Variants in ANKS1A observed in about 807,000 individuals in gnomAD.
The protein encoded by ANKS1A is ankyrin repeat and sterile alpha motif domain containing 1A.
ANKS1A carries 55 observed loss-of-function variants against 120.3 expected under a neutral mutation model. The observed-to-expected ratio is 0.46, with a 90% CI of 0.37 to 0.57. The LOEUF (loss-of-function observed/expected upper bound fraction) is 0.57. Among genes scored for constraint, ANKS1A ranks in the 20% least tolerant of loss-of-function variants. ANKS1A has a pLI of 0.00. For missense variants in ANKS1A, 1,123 were observed against 1,480.3 expected, an observed-to-expected ratio of 0.76 and a Z score of 3.96; for synonymous variants, 590 against 604.7, an observed-to-expected ratio of 0.98 and a Z score of 0.36.
chr6:35,031,437 A>G (rs1774904164), intron 11 of ANKS1A, among the ~76,000 whole-genome samples: 1 of 152,346 alleles, frequency 6.6e-6, no homozygotes, highest in African/African-American at 2.4e-5. Flanking sequence ...TCAATAGGAC[A>G]GATAAGGCCT....
In ANKS1A at chr6:34,916,373, A is replaced by ATATTG. The variant is rs776820791; in HGVS notation, c.197+26774_197+26775insTATTG. 3.9e-3 allele frequency among the ~76,000 whole-genome samples: 595 copies of ATATTG among 152,314 alleles called. 1 individual carries two copies. Among genetic ancestry groups the ATATTG allele is most frequent in the South Asian group, 0.018 (88 of 4,824 alleles). ...TGGAGGATGAGACCAAGTCTCAACC[A>ATATTG]CAGTATACTTTTCAACAAATATTGC... On this transcript the variant is annotated intron_variant, in intron 1 of 23. Transcript: ENST00000360359.
Position 35,084,847 on chromosome 6 carries a change from C to T in ANKS1A, c.3132+589C>T, listed in dbSNP as rs765484089. Among the ~76,000 whole-genome samples, 37 of 152,318 alleles carry T rather than the reference C, an allele frequency of 2.4e-4. No homozygotes were observed. Among genetic ancestry groups the T allele is most frequent in the African/African-American group, 8.2e-4 (34 of 41,584 alleles). ...GGGCCGAGGAGAGTTCATTCTCACACAGCTGCCCACAGGGAGCAGACCAGA... is the reference window on the plus strand; with the variant it reads ...GGGCCGAGGAGAGTTCATTCTCACATAGCTGCCCACAGGGAGCAGACCAGA... On this transcript the variant is annotated intron_variant, in intron 21 of 23. Transcript: ENST00000360359. The surrounding 1 kb of genome is among the most constrained non-coding windows in gnomAD (Gnocchi z 4.8).
chr6:34,910,151 C>G (rs1767837172), intron 1 of ANKS1A, among the ~76,000 whole-genome samples: 1 of 152,114 alleles, frequency 6.6e-6, no homozygotes, highest in Non-Finnish European at 1.5e-5. Flanking sequence ...TGAAGGAAGG[C>G]AGTACCAGTG....
At chr6:35,079,785 A>C in intron 15 of ANKS1A, 36 bp from the exon 16 acceptor site, 1 of 1,599,576 alleles carries the variant, frequency 6.3e-7, no homozygotes, top group Non-Finnish European at 8.5e-7. Context: ...TGAGTTGGCC[A>C]CCTGACCTGT....
intron 13 of ANKS1A, among the ~76,000 whole-genome samples, chr6:35,065,475 C>T (rs139531233): frequency 6.6e-6 from 1 of 152,354 alleles, no homozygotes; most frequent in Non-Finnish European, 1.5e-5. Context: ...GCAGCAGAGG[C>T]GTCTTTCCTG....
intron 11 of ANKS1A, among the ~76,000 whole-genome samples, chr6:35,028,568 TC>T (rs1774743915): frequency 6.6e-6 from 1 of 152,204 alleles, no homozygotes; most frequent in Admixed American, 6.5e-5. Context: ...AAATAAGTCT[TC>T]CAGATTTTCA....
chr6:34,895,804 T>TTTTTTA, intron 1 of ANKS1A, among the ~76,000 whole-genome samples: 1 of 139,566 alleles, frequency 7.2e-6, no homozygotes. Flanking sequence ...TTTTTTTTTT[T>TTTTTTA]TCTGAGACAG....
At chr6:34,915,793 A>G (rs561121027) in intron 1 of ANKS1A, among the ~76,000 whole-genome samples, 27 of 152,118 alleles carry the variant, frequency 1.8e-4, no homozygotes, top group Non-Finnish European at 3.2e-4. Context: ...GAGGTGGACC[A>G]TCATGTTTTT....
intron 13 of ANKS1A, among the ~76,000 whole-genome samples, chr6:35,077,877 T>G (rs74611288): frequency 6.2e-4 from 95 of 152,314 alleles, no homozygotes; most frequent in African/African-American, 2.2e-3. Context: ...CCCTGTCATA[T>G]AGTAAGAAAG....
At chr6:35,070,995 G>A in intron 13 of ANKS1A, 1 of 541,090 alleles carries the variant, frequency 1.8e-6, no homozygotes, top group East Asian at 4.6e-5. Flanking sequence ...ATTTTACAGA[G>A]GCCTGCCCAT....
At chr6:34,921,233 ACTTT>A (rs371552211) in intron 1 of ANKS1A, among the ~76,000 whole-genome samples, 92 of 152,354 alleles carry the variant, frequency 6.0e-4, no homozygotes, top group African/African-American at 1.8e-3. Flanking sequence ...CTATGTCAAG[ACTTT>A]CTTTATCAAA....
At chr6:34,923,146 G>T (rs887546765) in intron 1 of ANKS1A, among the ~76,000 whole-genome samples, 1 of 152,226 alleles carries the variant, frequency 6.6e-6, no homozygotes, top group Non-Finnish European at 1.5e-5. Context: ...AGATCAAGGA[G>T]AACCAAAACA....
chr6:34,961,328 C>T (rs1188183898), intron 1 of ANKS1A, among the ~76,000 whole-genome samples: 1 of 152,106 alleles, frequency 6.6e-6, no homozygotes, highest in East Asian at 1.9e-4. Context: ...ATGTTACTAC[C>T]ATCCTGTCTG....
In ANKS1A at chr6:35,060,181, G is replaced by T; in HGVS notation, c.2112G>T (p.Trp704Cys). 6.2e-7 allele frequency: 1 copy of T among 1,613,148 alleles called. No individual in the cohort carries two copies. Among genetic ancestry groups the T allele is most frequent in the Non-Finnish European group, 8.5e-7 (1 of 1,179,742 alleles). The change falls in exon 13 of 24, where the codon TGG (tryptophan) becomes TGT (cysteine). Residue 704 changes from tryptophan to cysteine, a missense_variant. Physicochemically the swap from Trp to Cys is radical, Grantham distance 215. This residue lies in a region of ANKS1A where 904 missense variants were observed against 1,130.4 expected (regional missense o/e 0.80). Transcript: ENST00000360359. The surrounding 1 kb of genome is among the most constrained non-coding windows in gnomAD (Gnocchi z 4.5). ...CGCTGGAGCAGAGTGTCGGGGAGTG[G>T]CTGGAGTCGATTGGGCTGCAGCAGT... is the stretch of plus-strand genomic sequence containing the variant. ...LRTLEQSVGE[W>C]LESIGLQQYE...
intron 1 of ANKS1A, among the ~76,000 whole-genome samples, chr6:34,934,238 C>T (rs558705593): frequency 6.6e-6 from 1 of 152,240 alleles, no homozygotes; most frequent in Non-Finnish European, 1.5e-5. Context: ...AGCTCCACCT[C>T]CCGGGTTCAC....
chr6:35,078,675 G>C lies in ANKS1A; in HGVS notation c.2283+19G>C. 8.1e-6 allele frequency: 13 copies of C among 1,599,532 alleles called. No homozygotes were observed. The highest frequency in any genetic ancestry group is 1.1e-5 in the Non-Finnish European group (13 of 1,179,464). On this transcript the variant is annotated intron_variant, in intron 14 of 23. Coordinates refer to ENST00000360359, the MANE Select transcript of ANKS1A (RefSeq NM_015245.3). Reference sequence around the variant, plus strand: ...ACCCAAGGTGACCATCGCCGGCCCTGTAGCCTCAGCCCGTGCGGAGCCAGG... The same window carrying C: ...ACCCAAGGTGACCATCGCCGGCCCTCTAGCCTCAGCCCGTGCGGAGCCAGG...
chr6:35,096,423 G>T, the ANKS1A span, among the ~76,000 whole-genome samples: 8 of 152,162 alleles, frequency 5.3e-5, no homozygotes, highest in African/African-American at 1.9e-4. Flanking sequence ...GTCTTTTCTG[G>T]AGAATTTACT....
downstream of ANKS1A, among the ~76,000 whole-genome samples, chr6:35,093,415 C>CT (rs748583926): frequency 2.6e-5 from 4 of 151,774 alleles, no homozygotes; most frequent in Admixed American, 6.6e-5. Context: ...AAATGGGAGG[C>CT]TTTTTTTTAA....
chr6:34,985,308 G>C, intron 8 of ANKS1A, 30 bp downstream of exon 8: 2 of 1,601,482 alleles, frequency 1.2e-6, no homozygotes, highest in Non-Finnish European at 1.7e-6. Flanking sequence ...CACCTCCTGG[G>C]GGCTGTGTTG....
Sources: allele counts gnomAD v4.1 joint callset (sites outside exome capture counted in the v4.1 genomes callset), GRCh38; gene constraint gnomAD v4.1.1; regional missense constraint gnomAD v4.1.1; non-coding constraint Gnocchi (gnomAD v3.1); transcripts MANE v1.5; gene names NCBI Gene and HGNC (gene_info 2026-07-23, HGNC 2026-07-21).